Variants in ABLIM3 observed in about 807,000 individuals in gnomAD.
ABLIM3 encodes the protein actin binding LIM protein family member 3, also known as actin-binding LIM protein 3.
ABLIM3 carries 61 observed loss-of-function variants against 109.5 expected under a neutral mutation model. The ratio of observed to expected loss-of-function variants is 0.56; its 90% CI spans 0.45 to 0.69. The LOEUF (loss-of-function observed/expected upper bound fraction) is 0.69. Ranked by LOEUF, ABLIM3 falls within the 30% of genes least tolerant of loss-of-function variation. The pLI is 0.00. For synonymous variants in ABLIM3, 300 were observed against 324.8 expected (o/e 0.92, Z 0.82); for missense variants, 796 against 889.5 (o/e 0.89, Z 1.34).
At chr5:149,189,314 T>TGACA (rs1757264775) in intron 3 of ABLIM3, among the ~76,000 whole-genome samples, 1 of 152,192 alleles carries the variant, frequency 6.6e-6, no homozygotes, top group Non-Finnish European at 1.5e-5. Flanking sequence ...TTCTTACATA[T>TGACA]GACACCAAAA....
At chr5:149,258,046 T>C (rs979526246) in intron 23 of ABLIM3, among the ~76,000 whole-genome samples, 3 of 152,196 alleles carry the variant, frequency 2.0e-5, no homozygotes, top group Admixed American at 2.0e-4. Flanking sequence ...ACTTGAGTCA[T>C]AGGCAGGGGA....
intron 2 of ABLIM3, 78 bp from the exon 3 acceptor site, chr5:149,183,374 C>T (rs1175920085): frequency 7.0e-7 from 1 of 1,425,664 alleles, no homozygotes. Context: ...CTTCCAGCTA[C>T]AATTATGATA....
In ABLIM3 at chr5:149,259,272, C is replaced by T; in HGVS notation, c.*868C>T. 1 of 1,334,346 alleles carries T rather than the reference C, an allele frequency of 7.5e-7. No homozygotes were observed. Among genetic ancestry groups the T allele is most frequent in the Non-Finnish European group, 9.6e-7 (1 of 1,040,300 alleles). The allele number at this position is 1,334,346 out of a possible 1,614,324, so 82.7% of individuals were successfully genotyped here. A position where few individuals can be genotyped will look rare whatever the true frequency, so the allele number is the denominator to read the frequency against. ...TCCCAGCACCTCCTGACCCTTCCCTCTTTCAAGGAGAAGCCCATGATTGCA... is the reference window on the plus strand; with the variant it reads ...TCCCAGCACCTCCTGACCCTTCCCTTTTTCAAGGAGAAGCCCATGATTGCA... On this transcript the variant is annotated 3_prime_UTR_variant, in exon 24 of 24. Transcript: ENST00000309868.
At chr5:149,228,212 T>C (rs1761509730) in intron 8 of ABLIM3, among the ~76,000 whole-genome samples, 1 of 152,220 alleles carries the variant, frequency 6.6e-6, no homozygotes, top group South Asian at 2.1e-4. Flanking sequence ...TGCCTGAACC[T>C]TCTGCCCTTA....
chr5:149,213,761 G>A (rs76212751), intron 7 of ABLIM3, among the ~76,000 whole-genome samples: 5,078 of 151,948 alleles, frequency 0.033, 263 homozygotes, highest in African/African-American at 0.12. Flanking sequence ...TTGTGACTGA[G>A]TTTCGATTGA....
chr5:149,194,423 G>A (rs1757767025), intron 3 of ABLIM3, among the ~76,000 whole-genome samples: 1 of 152,132 alleles, frequency 6.6e-6, no homozygotes, highest in Non-Finnish European at 1.5e-5. Flanking sequence ...AACAGCTGGT[G>A]GGAAGGTAAA....
chr5:149,231,209 T>C (rs1405044474), intron 9 of ABLIM3, among the ~76,000 whole-genome samples: 1 of 152,220 alleles, frequency 6.6e-6, no homozygotes, highest in Non-Finnish European at 1.5e-5. Flanking sequence ...ATGATGTGCC[T>C]GCAGTAACAA....
At chr5:149,151,481 C>A (rs1193710040) in intron 2 of ABLIM3, among the ~76,000 whole-genome samples, 1 of 152,220 alleles carries the variant, frequency 6.6e-6, no homozygotes, top group Non-Finnish European at 1.5e-5. Context: ...TTTGGTTTCC[C>A]CTGAATGTCA....
intron 2 of ABLIM3, among the ~76,000 whole-genome samples, chr5:149,159,696 C>T (rs1754160986): frequency 1.3e-5 from 2 of 152,180 alleles, no homozygotes; most frequent in African/African-American, 4.8e-5. Flanking sequence ...TCCTATCAGC[C>T]TTGCTTACCT....
chr5:149,198,204 T>C lies in ABLIM3; in HGVS notation c.152-15T>C. ...TGGACTCAACCTGCCCTTGTTTTCC[T>C]CCTTGTTCCCCAAGTATGTGGCTGT... On this transcript the variant is annotated splice_polypyrimidine_tract_variant and intron_variant, in intron 3 of 23. Transcript: ENST00000309868. The surrounding 1 kb of genome is among the most constrained non-coding windows in gnomAD (Gnocchi z 4.2). 1 of 1,604,124 alleles carries C rather than the reference T, an allele frequency of 6.2e-7. No individual in the cohort carries two copies. The highest frequency in any genetic ancestry group is 8.5e-7 in the Non-Finnish European group (1 of 1,175,060).
chr5:149,191,016 C>T (rs1757424784), intron 3 of ABLIM3, among the ~76,000 whole-genome samples: 1 of 152,056 alleles, frequency 6.6e-6, no homozygotes, highest in African/African-American at 2.4e-5. Context: ...AGTTCAAAAA[C>T]CGTGAACTAA....
chr5:149,251,426 G>T lies in ABLIM3; in HGVS notation c.1849+7G>T, dbSNP rs200129204. The stretch of plus-strand genomic sequence containing the variant: ...GTCAACTGGGGCATGCGAGGTGAGT[G>T]CAGGCCTGCAGGGGGTCTGCAGGGA... On this transcript the variant is annotated splice_region_variant and intron_variant, in intron 21 of 23. Transcript: ENST00000309868. The T allele has an allele frequency of 1.8e-5, 29 of 1,613,854 alleles. No homozygotes were observed. In the South Asian group the frequency reaches 2.4e-4, roughly 13 times the overall value.
intron 13 of ABLIM3, among the ~76,000 whole-genome samples, chr5:149,240,296 C>G (rs371844148): frequency 6.6e-6 from 1 of 152,164 alleles, no homozygotes; most frequent in South Asian, 2.1e-4. Context: ...CAGTCACCCT[C>G]AGGTTGGGGG....
At chr5:149,154,908 A>T (rs534941901) in intron 2 of ABLIM3, among the ~76,000 whole-genome samples, 1 of 152,350 alleles carries the variant, frequency 6.6e-6, no homozygotes, top group South Asian at 2.1e-4. Flanking sequence ...GAAAGAGGAC[A>T]CTGACATTGT....
intron 8 of ABLIM3, among the ~76,000 whole-genome samples, chr5:149,225,970 GTGTGTGTGTGTGTATATATATA>G: frequency 1.4e-5 from 1 of 74,030 alleles, no homozygotes; most frequent in South Asian, 4.5e-4. Flanking sequence ...GTGTGTGTGT[GTGTGTGTGTGTGTATATATATA>G]TATATATATA....
At chr5:149,244,726 G>C in intron 15 of ABLIM3, 155 bp from the exon 16 acceptor site, 2 of 914,236 alleles carry the variant, frequency 2.2e-6, no homozygotes, top group African/African-American at 1.7e-5. Flanking sequence ...TGCTTTTCCA[G>C]CTCCGATGCT....
rs1758239143 is a variant in ABLIM3, at chr5:149,198,865, G to A, written c.335+463G>A. Among the ~76,000 whole-genome samples the A allele has an allele frequency of 6.6e-6, 1 of 152,204 alleles. No homozygotes were observed. The highest frequency in any genetic ancestry group is 2.1e-4 in the South Asian group (1 of 4,830). Reference sequence around the variant, plus strand: ...ACCCTGGCAAGTGACCCCCACCTCTGTAAGCCTCAGTTTCTCCACAGGTAA... The same window carrying A: ...ACCCTGGCAAGTGACCCCCACCTCTATAAGCCTCAGTTTCTCCACAGGTAA... On this transcript the variant is annotated intron_variant, in intron 4 of 23. Coordinates refer to ENST00000309868, the MANE Select transcript of ABLIM3 (RefSeq NM_014945.5). This position sits in a 1 kb window ranked among gnomAD's most constrained non-coding sequence, Gnocchi z 4.2.
chr5:149,221,771 C>CTAGAT (rs1483073516), intron 8 of ABLIM3, among the ~76,000 whole-genome samples: 2 of 152,130 alleles, frequency 1.3e-5, no homozygotes, highest in Non-Finnish European at 2.9e-5. Flanking sequence ...GTTGCAGTTA[C>CTAGAT]TAGATCAGTG....
chr5:149,150,337 C>T (rs1191819749), intron 2 of ABLIM3, among the ~76,000 whole-genome samples: 1 of 152,202 alleles, frequency 6.6e-6, no homozygotes, highest in Non-Finnish European at 1.5e-5. Context: ...AGAAATTCTA[C>T]ATCTGCAAAA....
Sources: gnomAD v4.1 joint callset for allele counts (sites outside exome capture counted in the v4.1 genomes callset) on GRCh38, gnomAD v4.1.1 for gene constraint, Gnocchi (gnomAD v3.1) non-coding constraint, MANE v1.5 for transcripts, NCBI Gene and HGNC (gene_info 2026-07-23, HGNC 2026-07-21) for gene names.